Variants in PLD1 observed in about 807,000 individuals in gnomAD.
The protein encoded by PLD1 is choline phosphatase 1.
In PLD1, 112 loss-of-function variants were observed where a neutral mutation model predicts 137.1. That is an observed-to-expected ratio of 0.82 (90% CI 0.70 to 0.96). The LOEUF is 0.96. Ranked by LOEUF, PLD1 falls within the 40% of genes least tolerant of loss-of-function variation. PLD1 has a pLI of 0.00. For synonymous variants in PLD1, 431 were observed against 454.7 expected, an observed-to-expected ratio of 0.95 and a Z score of 0.66; for missense variants, 1,321 against 1,342.0, an observed-to-expected ratio of 0.98 and a Z score of 0.24.
intron 1 of PLD1, chr3:171,809,419 C>T (rs1286616386): frequency 2.0e-5 from 3 of 152,128 alleles, no homozygotes; most frequent in African/African-American, 7.2e-5. Flanking sequence ...TTTAACATAC[C>T]TCAGAGGTCT....
chr3:171,782,214 A>C (rs1023095061), intron 1 of PLD1, among the ~76,000 whole-genome samples: 2 of 152,220 alleles, frequency 1.3e-5, no homozygotes, highest in African/African-American at 2.4e-5. Context: ...AAATCAAAAC[A>C]GTGGTTGCCT....
intron 21 of PLD1, among the ~76,000 whole-genome samples, chr3:171,645,883 C>CAA (rs1162718346): frequency 7.7e-3 from 450 of 58,198 alleles, no homozygotes; most frequent in Non-Finnish European, 0.01. Flanking sequence ...GACTCCATCT[C>CAA]AAAAAAAAAA....
rs9838989 is a variant in PLD1, at chr3:171,693,812, A to G, written c.1228-1370T>C. Among the ~76,000 whole-genome samples the G allele has an allele frequency of 6.8e-3, 1,038 of 152,312 alleles. 12 individuals are homozygous for G. Among genetic ancestry groups the G allele is most frequent in the African/African-American group, 0.02 (815 of 41,566 alleles). On this transcript the variant is annotated intron_variant, in intron 12 of 26. Coordinates refer to ENST00000351298, the MANE Select transcript of PLD1 (RefSeq NM_002662.5). ...AAAAAATAATTTTGTTACAGTTTATATTAAGATTCCATGGTGATTAGTCAT... is the reference window on the plus strand; with the variant it reads ...AAAAAATAATTTTGTTACAGTTTATGTTAAGATTCCATGGTGATTAGTCAT...
At chr3:171,741,696 T>C (rs1419031211) in intron 1 of PLD1, among the ~76,000 whole-genome samples, 3 of 152,226 alleles carry the variant, frequency 2.0e-5, no homozygotes, top group Non-Finnish European at 4.4e-5. Flanking sequence ...GTTTTTTTAT[T>C]CTCGTTTTGA....
At position 171,724,692 on chromosome 3, in the gene PLD1, C is replaced by A; in HGVS notation, c.758+4G>T. ...ACAAATACACAAAACTCACTAATTC[C>A]TACCTTTTTGACCATCTGTAGCAGG... On this transcript the variant is annotated splice_donor_region_variant and intron_variant, in intron 8 of 26. Transcript: ENST00000351298. The A allele has an allele frequency of 6.4e-7, 1 of 1,572,394 alleles. No homozygotes were observed. The highest frequency in any genetic ancestry group is 8.8e-7 in the Non-Finnish European group (1 of 1,142,340).
chr3:171,763,132 G>A (rs1721521181), intron 1 of PLD1, among the ~76,000 whole-genome samples: 1 of 152,078 alleles, frequency 6.6e-6, no homozygotes, highest in Non-Finnish European at 1.5e-5. Flanking sequence ...ATGCCCCAGT[G>A]TGAGTGTGGA....
At chr3:171,659,355 C>T (rs927219536) in intron 20 of PLD1, 54 bp from the exon 21 acceptor site, 17 of 1,095,804 alleles carry the variant, frequency 1.6e-5, no homozygotes, top group African/African-American at 1.1e-4. Flanking sequence ...TAGCAATATA[C>T]GTAAGAACAA....
Position 171,612,989 on chromosome 3 carries a change from G to A in PLD1, c.2729-557C>T, listed in dbSNP as rs564998218. On this transcript the variant is annotated intron_variant, in intron 24 of 26. Transcript: ENST00000351298. The surrounding 1 kb of genome is among the most constrained non-coding windows in gnomAD (Gnocchi z 4.1). ...TTGAGACCAGCCTGGACAACATAGC[G>A]AGACCTGGTCTCTACAAAAAGTTTT... Among the ~76,000 whole-genome samples the A allele has an allele frequency of 3.9e-5, 6 of 152,140 alleles. No individual in the cohort carries two copies. Among genetic ancestry groups the A allele is most frequent in the African/African-American group, 9.6e-5 (4 of 41,502 alleles).
intron 4 of PLD1, among the ~76,000 whole-genome samples, 168 bp from the exon 5 acceptor site, chr3:171,735,138 A>G (rs1316207946): frequency 6.6e-6 from 1 of 152,130 alleles, no homozygotes; most frequent in African/African-American, 2.4e-5. Flanking sequence ...CTTTTTATTT[A>G]TTTATTTTAA....
chr3:171,801,133 G>GA (rs1191210064), intron 1 of PLD1, among the ~76,000 whole-genome samples: 2 of 152,238 alleles, frequency 1.3e-5, no homozygotes, highest in Non-Finnish European at 2.9e-5. Context: ...CCTGCCTTTG[G>GA]ATGACTGCAT....
intron 8 of PLD1, among the ~76,000 whole-genome samples, chr3:171,721,753 C>G (rs2108232793): frequency 6.6e-6 from 1 of 151,644 alleles, no homozygotes; most frequent in Admixed American, 6.6e-5. Flanking sequence ...AGTAAAACTT[C>G]TCTCCCAGCG....
intron 23 of PLD1, among the ~76,000 whole-genome samples, chr3:171,623,415 C>G (rs772340410): frequency 6.6e-6 from 1 of 150,506 alleles, no homozygotes; most frequent in Non-Finnish European, 1.5e-5. Flanking sequence ...CCCGGGTTCA[C>G]GCCATTCTCC....
In PLD1 at chr3:171,788,997, A is replaced by T. The variant is rs529465100; in HGVS notation, c.-32+21402T>A. On this transcript the variant is annotated intron_variant, in intron 1 of 26. Transcript: ENST00000351298. The stretch of plus-strand genomic sequence containing the variant: ...GAGAATTCGAGGATGAATAAAACAG[A>T]CATTGTCCTCAAAAAGCTGGCAAAC... 2.0e-5 allele frequency: 3 copies of T among 152,418 alleles called. No individual in the cohort carries two copies. In the East Asian group the frequency reaches 5.8e-4, roughly 29 times the overall value. 9.4% of individuals were successfully genotyped at this position (152,418 alleles called of 1,614,324 possible).
At chr3:171,724,846 G>T in intron 7 of PLD1, 58 bp from the exon 8 acceptor site, 2 of 958,210 alleles carry the variant, frequency 2.1e-6, no homozygotes, top group Non-Finnish European at 3.4e-6. Flanking sequence ...CACTTAGCTC[G>T]TACAGCCTCC....
chr3:171,605,330 G>A lies in PLD1; in HGVS notation c.2969C>T (p.Thr990Ile), dbSNP rs2108251910. Residue 990 changes from threonine (T) to isoleucine (I), a missense_variant, in exon 26 of 27, where the codon ACA (threonine) becomes ATA (isoleucine). Transcript: ENST00000351298. ...ATAAATTGTAGCATTTCGAGCTGCT[G>A]TTGAAACCCACACCTCCTTGAAGAA... ...DKFFKEVWVSTAARNATIYDK... is the reference protein window; with the variant it reads ...DKFFKEVWVSIAARNATIYDK... The A allele has an allele frequency of 6.2e-7, 1 of 1,612,350 alleles. No individual in the cohort carries two copies. Among genetic ancestry groups the A allele is most frequent in the Non-Finnish European group, 8.5e-7 (1 of 1,178,380 alleles).
At chr3:171,699,912 C>G in intron 11 of PLD1, 86 bp from the exon 12 acceptor site, 1 of 965,100 alleles carries the variant, frequency 1.0e-6, no homozygotes, top group Non-Finnish European at 1.7e-6. Flanking sequence ...CAATTTCAGC[C>G]CAATTCAACC....
At chr3:171,621,124 G>A (rs1489043685) in intron 23 of PLD1, among the ~76,000 whole-genome samples, 1 of 152,046 alleles carries the variant, frequency 6.6e-6, no homozygotes, top group African/African-American at 2.4e-5. Flanking sequence ...TTAAAATTAG[G>A]AAACAGAAGA....
intron 8 of PLD1, among the ~76,000 whole-genome samples, chr3:171,724,058 C>T (rs903275611): frequency 2.0e-5 from 3 of 152,146 alleles, no homozygotes; most frequent in Non-Finnish European, 4.4e-5. Flanking sequence ...AGAATTGTTT[C>T]CACTTGTAAG....
chr3:171,660,994 C>T (rs1237054048), intron 20 of PLD1, among the ~76,000 whole-genome samples: 1 of 152,192 alleles, frequency 6.6e-6, no homozygotes, highest in Non-Finnish European at 1.5e-5. Context: ...ATCTTTCCAT[C>T]TCTATGGTAT....
Sources: allele counts gnomAD v4.1 joint callset (sites outside exome capture counted in the v4.1 genomes callset), GRCh38; gene constraint gnomAD v4.1.1; non-coding constraint Gnocchi (gnomAD v3.1); transcripts MANE v1.5; gene names NCBI Gene and HGNC (gene_info 2026-07-23, HGNC 2026-07-21).